Variants in LRRC37A2 observed in about 807,000 individuals in gnomAD.
LRRC37A2 encodes the protein leucine rich repeat containing 37 member A2.
LRRC37A2 carries 9 observed loss-of-function variants against 68.8 expected under a neutral mutation model. That is an observed-to-expected ratio of 0.13 (90% CI 0.08 to 0.23). The LOEUF is 0.23. LRRC37A2 is among the 10% of genes least tolerant of loss of function. LRRC37A2 has a pLI of 1.00. For synonymous variants in LRRC37A2, 63 were observed against 367.6 expected (o/e 0.17, Z 9.48); for missense variants, 168 against 950.4 (o/e 0.18, Z 10.82).
chr17:46,754,146 GTTC>G, the LRRC37A2 span, among the ~76,000 whole-genome samples: 1 of 91,156 alleles, frequency 1.1e-5, no homozygotes, highest in Non-Finnish European at 2.1e-5. Context: ...GCTCCAGCCA[GTTC>G]TTTTTTTTTT....
the LRRC37A2 span, among the ~76,000 whole-genome samples, chr17:46,898,121 A>C: frequency 6.6e-6 from 1 of 152,064 alleles, no homozygotes; most frequent in Admixed American, 6.6e-5. Flanking sequence ...TCCTAATTGC[A>C]TCCCCTCCAT....
At chr17:46,855,211 CAG>C in the LRRC37A2 span, among the ~76,000 whole-genome samples, 1 of 152,210 alleles carries the variant, frequency 6.6e-6, no homozygotes, top group African/African-American at 2.4e-5. Context: ...GCAGTGGCTG[CAG>C]AGAGGCCGAA....
chr17:47,026,416 G>A, the LRRC37A2 span, among the ~76,000 whole-genome samples: 136 of 152,348 alleles, frequency 8.9e-4, no homozygotes, highest in Admixed American at 8.6e-3. Context: ...CATCACAGTC[G>A]TTGAGAGGGC....
At chr17:46,980,663 AT>A in the LRRC37A2 span, among the ~76,000 whole-genome samples, 1 of 76,852 alleles carries the variant, frequency 1.3e-5, no homozygotes, top group East Asian at 3.8e-4. Flanking sequence ...TCTACTAAAA[AT>A]ACAAAAAAAA....
At chr17:46,992,023 A>G in the LRRC37A2 span, among the ~76,000 whole-genome samples, 1 of 152,240 alleles carries the variant, frequency 6.6e-6, no homozygotes, top group East Asian at 1.9e-4. Flanking sequence ...GGATTGATCA[A>G]ATTACAACAC....
chr17:46,907,175 C>T, the LRRC37A2 span, among the ~76,000 whole-genome samples: 1 of 152,218 alleles, frequency 6.6e-6, no homozygotes, highest in African/African-American at 2.4e-5. Context: ...CCGAGGTCAA[C>T]AGACAGCAGA....
the LRRC37A2 span, chr17:46,940,852 C>T: frequency 2.1e-6 from 3 of 1,441,410 alleles, no homozygotes; most frequent in East Asian, 2.5e-5. Flanking sequence ...TCTGGACACC[C>T]AGGGGCATTG....
the LRRC37A2 span, among the ~76,000 whole-genome samples, chr17:46,722,837 A>T: frequency 5.9e-5 from 9 of 152,216 alleles, no homozygotes; most frequent in East Asian, 1.7e-3. Flanking sequence ...GTTACCTGAA[A>T]CTAGTCAAGT....
At chr17:46,918,952 C>T in the LRRC37A2 span, among the ~76,000 whole-genome samples, 1 of 152,206 alleles carries the variant, frequency 6.6e-6, no homozygotes, top group African/African-American at 2.4e-5. Flanking sequence ...ATCATCTCCT[C>T]TTTGAATCTC....
the LRRC37A2 span, among the ~76,000 whole-genome samples, chr17:46,794,698 C>T: frequency 3.9e-5 from 6 of 151,954 alleles, no homozygotes; most frequent in East Asian, 7.7e-4. Context: ...AGGAAGATCT[C>T]GACCTCCTTC....
the LRRC37A2 span, among the ~76,000 whole-genome samples, chr17:46,954,018 G>C: frequency 1.8e-4 from 28 of 152,184 alleles, no homozygotes; most frequent in Non-Finnish European, 3.2e-4. Flanking sequence ...TTCTTTTGCT[G>C]TGCGGAAGCT....
chr17:46,809,117 G>A, the LRRC37A2 span, among the ~76,000 whole-genome samples: 1 of 152,156 alleles, frequency 6.6e-6, no homozygotes. Context: ...TTATTGGGGG[G>A]ATCGAGGGGG....
chr17:46,993,620 C>T, the LRRC37A2 span, among the ~76,000 whole-genome samples: 1 of 152,236 alleles, frequency 6.6e-6, no homozygotes, highest in Non-Finnish European at 1.5e-5. Context: ...ATCTCTGTTG[C>T]TCTTGGAATT....
chr17:46,738,830 A>G, the LRRC37A2 span, among the ~76,000 whole-genome samples: 1 of 152,244 alleles, frequency 6.6e-6, no homozygotes, highest in Admixed American at 6.5e-5. Context: ...GGTTGGGCGC[A>G]GTGGCTTACG....
the LRRC37A2 span, chr17:46,932,536 A>G: frequency 2.2e-5 from 12 of 538,706 alleles, no homozygotes; most frequent in Non-Finnish European, 3.6e-5. Flanking sequence ...ATTAGAACTT[A>G]GGCCATTTGT....
chr17:46,440,337 C>T, the LRRC37A2 span, among the ~76,000 whole-genome samples: 1 of 70,476 alleles, frequency 1.4e-5, no homozygotes, highest in East Asian at 2.4e-4. Context: ...TGTCTGTTCT[C>T]GCTTTGAAGA....
chr17:46,940,970 A>G, the LRRC37A2 span: 6 of 1,222,422 alleles, frequency 4.9e-6, no homozygotes, highest in African/African-American at 1.6e-5. Flanking sequence ...GCCTCAGTGT[A>G]GGGAAGGGTC....
chr17:46,773,938 G>T, the LRRC37A2 span: 1 of 1,606,686 alleles, frequency 6.2e-7, no homozygotes, highest in Non-Finnish European at 8.5e-7. Context: ...TAGTAACACT[G>T]TGGGCACAAA....
the LRRC37A2 span, among the ~76,000 whole-genome samples, chr17:46,741,755 T>G: frequency 1.0e-5 from 1 of 96,852 alleles, no homozygotes; most frequent in Non-Finnish European, 2.1e-5. Context: ...ATGTTAATAG[T>G]ACTTGGTTTT....
Sources: allele counts gnomAD v4.1 joint callset (sites outside exome capture counted in the v4.1 genomes callset), GRCh38; gene constraint gnomAD v4.1.1; transcripts MANE v1.5; gene names NCBI Gene and HGNC (gene_info 2026-07-23, HGNC 2026-07-21).